The following FAN1 variants were observed in gnomAD, a reference collection of about 807,000 sequenced individuals.
The protein encoded by FAN1 is fanconi-associated nuclease 1.
In FAN1, 91 loss-of-function variants were observed where a neutral mutation model predicts 104.9. That is an observed-to-expected ratio of 0.87 (90% confidence interval 0.73 to 1.03). FAN1 has a LOEUF of 1.03. FAN1 is among the 50% of genes least tolerant of loss of function. The pLI is 0.00. For missense variants in FAN1, 1,263 were observed against 1,239.9 expected, an observed-to-expected ratio of 1.02 and a Z score of -0.28; for synonymous variants, 478 against 457.6, an observed-to-expected ratio of 1.04 and a Z score of -0.57.
intron 13 of FAN1, among the ~76,000 whole-genome samples, chr15:30,933,494 A>G (rs1158835592): frequency 3.3e-5 from 5 of 152,170 alleles, no homozygotes; most frequent in Non-Finnish European, 7.4e-5. Context: ...CATATTTTGT[A>G]TGATTTGAAT....
chr15:30,939,540 AG>A (rs1406392151), intron 14 of FAN1: 1 of 972,414 alleles, frequency 1.0e-6, no homozygotes, highest in Admixed American at 6.2e-5. Context: ...CAAAAATAAA[AG>A]TATTTTACAT....
rs1391522812 is a variant in FAN1, at chr15:30,942,594, C to T, written c.*1032C>T. 1 of 384,266 alleles carries T rather than the reference C, an allele frequency of 2.6e-6. No homozygotes were observed. Among genetic ancestry groups the T allele is most frequent in the Admixed American group, 4.2e-5 (1 of 23,886 alleles). The allele number at this position is 384,266 out of a possible 1,614,324, so 23.8% of individuals were successfully genotyped here. On this transcript the variant is annotated 3_prime_UTR_variant, in exon 15 of 15. Transcript: ENST00000362065. ...CTACATCACAGCCAGGCGGCATTCC[C>T]TGCCACAGTGGCGGCTTGAATCATC...
At chr15:30,921,655 G>A (rs2062333023) in intron 7 of FAN1, among the ~76,000 whole-genome samples, 1 of 152,160 alleles carries the variant, frequency 6.6e-6, no homozygotes, top group African/African-American at 2.4e-5. Context: ...AAACTTGCAT[G>A]TGTATGGGGA....
chr15:30,941,503 C>T lies in FAN1; in HGVS notation c.*4-63C>T, dbSNP rs1190045808. On this transcript the variant is annotated intron_variant, in intron 14 of 14. Transcript: ENST00000362065. ...CATTTGCTAATGTCTCAGTAGACAA[C>T]CATATTTTGGCCCCACTTAAAAATT... 4 of 1,611,500 alleles carry T rather than the reference C, an allele frequency of 2.5e-6. No individual in the cohort carries two copies. The Admixed American group carries it at 6.7e-5, about 27-fold the overall frequency.
chr15:30,916,884 G>A (rs2062208624), intron 5 of FAN1, among the ~76,000 whole-genome samples: 1 of 152,166 alleles, frequency 6.6e-6, no homozygotes, highest in Non-Finnish European at 1.5e-5. Flanking sequence ...TAGACAGAGT[G>A]GCCCTGGAGA....
intron 6 of FAN1, 112 bp from the exon 7 acceptor site, chr15:30,920,433 T>C (rs777055696): frequency 5.5e-6 from 4 of 728,752 alleles, no homozygotes; most frequent in Non-Finnish European, 7.0e-6. Flanking sequence ...TGAAAGTATT[T>C]AGAATATACC....
chr15:30,908,244 G>C lies in FAN1; in HGVS notation c.1361G>C (p.Gly454Ala), dbSNP rs541343503. The C allele has an allele frequency of 1.1e-5, 18 of 1,605,144 alleles. No individual in the cohort carries two copies. In the East Asian group the frequency reaches 4.0e-4, roughly 36 times the overall value. The change falls in exon 3 of 15, where the codon GGC (glycine) becomes GCC (alanine). Residue 454 changes from glycine (G) to alanine (A), a missense_variant. Around this residue, in one of 2 missense-constraint regions of FAN1, gnomAD observed 682 missense variants for 571.1 expected, o/e 1.19. Transcript: ENST00000362065. ...GTGATTGAAGAATTGACGAATGCAG[G>C]CTTTCTACAGACAGGTATGACTAGT... ...TPVIEELTNAGFLQTESELQE... is the reference protein window; with the variant it reads ...TPVIEELTNAAFLQTESELQE...
rs1181612525 is a variant in FAN1, at chr15:30,925,143, C to T, written c.2189C>T (p.Thr730Ile). ...KRLEPTIKCI[T>I]EGLADPEVRT... ...CTCTGCCAGACTATCAAGTGCATCA[C>T]AGAGGGGCTGGCGGATCCGGAAGTC... The change falls in exon 9 of 15, where the codon ACA becomes ATA. Residue 730 changes from threonine to isoleucine, a missense_variant. Coordinates refer to ENST00000362065, the MANE Select transcript of FAN1 (RefSeq NM_014967.5). 2.5e-6 allele frequency: 4 copies of T among 1,613,912 alleles called. No homozygotes were observed. The Admixed American group carries it at 5.0e-5, about 20-fold the overall frequency.
intron 6 of FAN1, among the ~76,000 whole-genome samples, chr15:30,919,683 T>C (rs2959038): frequency 0.66 from 96,536 of 147,344 alleles, 32,158 homozygotes; most frequent in East Asian, 0.98. Context: ...AGCGAGACTC[T>C]GTCTCGGGGA....
Position 30,913,887 on chromosome 15 carries a change from G to T in FAN1, c.1607G>T (p.Arg536Leu). Residue 536 changes from arginine to leucine, a missense_variant, in exon 5 of 15, where the codon CGA becomes CTA. Arg to Leu is a moderately radical substitution (Grantham distance 102, BLOSUM62 -2). Transcript: ENST00000362065. Reference sequence around the variant, plus strand: ...AAAGCCTTGGCTGGACAGTCAGTACGAATCTGTAAAGGCCCCAGGGCTGTG... The same window carrying T: ...AAAGCCTTGGCTGGACAGTCAGTACTAATCTGTAAAGGCCCCAGGGCTGTG... ...RAKALAGQSV[R>L]ICKGPRAVFS... 6.2e-7 allele frequency: 1 copy of T among 1,613,926 alleles called. No homozygotes were observed. Among genetic ancestry groups the T allele is most frequent in the South Asian group, 1.1e-5 (1 of 91,066 alleles).
chr15:30,941,165 T>G, intron 14 of FAN1: 4 of 1,320,414 alleles, frequency 3.0e-6, no homozygotes, highest in Non-Finnish European at 4.0e-6. Context: ...GACTATCAGA[T>G]AGCCTTCAGG....
chr15:30,935,880 A>G (rs1224958442), intron 13 of FAN1, among the ~76,000 whole-genome samples: 1 of 151,950 alleles, frequency 6.6e-6, no homozygotes, highest in Non-Finnish European at 1.5e-5. Context: ...TGCTTTGACT[A>G]TATCCCCTGA....
chr15:30,934,954 G>A (rs2062812150), intron 13 of FAN1, among the ~76,000 whole-genome samples: 1 of 152,086 alleles, frequency 6.6e-6, no homozygotes, highest in African/African-American at 2.4e-5. Context: ...ATTTACTCAT[G>A]TACATAGCAT....
At chr15:30,939,867 G>A (rs2062979925) in intron 14 of FAN1, 5 of 985,202 alleles carry the variant, frequency 5.1e-6, no homozygotes, top group Non-Finnish European at 6.0e-6. Flanking sequence ...ACTGAAACTA[G>A]CCCTTATTTT....
chr15:30,906,555 A>G, intron 2 of FAN1: 1 of 456,060 alleles, frequency 2.2e-6, no homozygotes, highest in South Asian at 1.5e-5. Context: ...TCAGAGGGCC[A>G]TGATGACTCT....
chr15:30,933,480 A>C (rs1332747475), intron 13 of FAN1, among the ~76,000 whole-genome samples: 2 of 152,190 alleles, frequency 1.3e-5, no homozygotes, highest in Non-Finnish European at 2.9e-5. Flanking sequence ...TTGTATTCAG[A>C]GGACATATTT....
Position 30,930,647 on chromosome 15 carries a change from G to A in FAN1, c.2892G>A (p.Trp964Ter). ...CRGGLPDLVVWNSQSRHFKLV... is the reference protein window; with the variant it reads ...CRGGLPDLVV ...GGGGCCTCCCCGACCTGGTGGTGTG[G>A]AACTCCCAGAGCCGTCACTTTAAGG... The change falls in exon 13 of 15, where the codon TGG becomes TGA. Residue 964 changes from tryptophan (W) to a stop codon, truncating the protein, a stop_gained. Transcript: ENST00000362065. LOFTEE classifies it high-confidence loss of function. 6.2e-7 allele frequency: 1 copy of A among 1,612,976 alleles called. No homozygotes were observed. Among genetic ancestry groups the A allele is most frequent in the Non-Finnish European group, 8.5e-7 (1 of 1,179,570 alleles).
At chr15:30,928,510 G>GTGTA in intron 10 of FAN1, 43 bp from the exon 11 acceptor site, 1 of 1,453,874 alleles carries the variant, frequency 6.9e-7, no homozygotes, top group Non-Finnish European at 9.5e-7. Context: ...CAGATTTTGT[G>GTGTA]TGTGTGTGTG....
chr15:30,940,113 A>T (rs2062989032), intron 14 of FAN1: 1 of 985,238 alleles, frequency 1.0e-6, no homozygotes. Flanking sequence ...AATTTTCCAT[A>T]TCTTAGGATG....
Sources: gnomAD v4.1 joint callset for allele counts (sites outside exome capture counted in the v4.1 genomes callset) on GRCh38, gnomAD v4.1.1 for gene constraint, gnomAD v4.1.1 regional missense constraint, MANE v1.5 for transcripts, NCBI Gene and HGNC (gene_info 2026-07-23, HGNC 2026-07-21) for gene names.